Variants in INVS observed in about 807,000 individuals in gnomAD.
INVS encodes the protein inversin.
Under a neutral mutation model 108.8 loss-of-function variants are expected in INVS, and 86 were observed. That is an observed-to-expected ratio of 0.79 (90% CI 0.66 to 0.95). INVS has a LOEUF of 0.95. INVS is among the 40% of genes least tolerant of loss of function. The probability of loss-of-function intolerance (pLI) is 0.00; values close to 1 mark genes in which losing one functional copy is unlikely to be tolerated. For synonymous variants in INVS, 455 were observed against 473.5 expected (o/e 0.96, Z 0.51); for missense variants, 1,169 against 1,297.4 (o/e 0.90, Z 1.52).
chr9:100,297,271 AATTGT>A lies in INVS; in HGVS notation c.3016+129_3016+133del, dbSNP rs1360555666. ...AGATAAATTAGGTTGGTGCAAAATT[AATTGT>A]ATTATTAAAAATGGTCAAAACTGCA... On this transcript the variant is annotated intron_variant, in intron 15 of 16. Coordinates refer to ENST00000262457, the MANE Select transcript of INVS (RefSeq NM_014425.5). The A allele has an allele frequency of 1.1e-5, 9 of 804,856 alleles. No individual in the cohort carries two copies. The African/African-American group carries it at 1.2e-4, about 11-fold the overall frequency. The allele number at this position is 804,856 out of a possible 1,614,324, so 49.9% of individuals were successfully genotyped here.
At chr9:100,117,232 G>C in intron 2 of INVS, 2 of 877,824 alleles carry the variant, frequency 2.3e-6, no homozygotes, top group South Asian at 1.5e-5. Context: ...CGACGTGGCC[G>C]TTGTAGTCCC....
chr9:100,120,543 G>T, intron 2 of INVS: 1 of 158,522 alleles, frequency 6.3e-6, no homozygotes. Context: ...AACCCTCTTA[G>T]GCCCAATATT....
chr9:100,113,499 A>C (rs555640623), intron 2 of INVS, among the ~76,000 whole-genome samples: 2 of 152,352 alleles, frequency 1.3e-5, no homozygotes, highest in African/African-American at 4.8e-5. Context: ...AAGTATTGCA[A>C]ACTAAAACAG....
At chr9:100,148,771 G>A (rs1016346287) in intron 3 of INVS, among the ~76,000 whole-genome samples, 2 of 151,938 alleles carry the variant, frequency 1.3e-5, no homozygotes, top group Non-Finnish European at 2.9e-5. Context: ...ATATATTCTC[G>A]ACCTCTACTT....
chr9:100,116,896 C>T (rs1247740319), intron 2 of INVS: 3 of 1,278,850 alleles, frequency 2.3e-6, no homozygotes, highest in Admixed American at 1.8e-5. Context: ...AGCTGTAGGT[C>T]TTAGAGATGG....
intron 3 of INVS, among the ~76,000 whole-genome samples, chr9:100,184,592 T>C (rs927700362): frequency 3.3e-5 from 5 of 152,322 alleles, no homozygotes; most frequent in Middle Eastern, 3.4e-3. Context: ...ATAGTCTGTA[T>C]GTAATAAGTC....
rs764339027 is a variant in INVS, at chr9:100,104,641, TTA to T, written c.106+15_106+16del. ...GGCTCATCGTAGGTAAGCAGTCCCC[TTA>T]AGTACAGAAACTTTAAAAGCAACTG... On this transcript the variant is annotated intron_variant, in intron 2 of 16. Transcript: ENST00000262457. 6.4e-6 allele frequency: 10 copies of T among 1,567,692 alleles called. No individual in the cohort carries two copies. Among genetic ancestry groups the T allele is most frequent in the Middle Eastern group, 1.7e-4 (1 of 5,984 alleles).
intron 11 of INVS, among the ~76,000 whole-genome samples, chr9:100,265,223 G>A (rs1015124225): frequency 5.3e-5 from 8 of 152,196 alleles, no homozygotes; most frequent in Middle Eastern, 3.4e-3. Flanking sequence ...GATTATAGGC[G>A]TGAGCTACCA....
chr9:100,117,121 C>A (rs924727346), intron 2 of INVS: 26 of 1,229,668 alleles, frequency 2.1e-5, no homozygotes, highest in Non-Finnish European at 2.6e-5. Flanking sequence ...CGATCTTGTT[C>A]CCCCAGTAGC....
intron 3 of INVS, among the ~76,000 whole-genome samples, chr9:100,166,567 T>G (rs1285101244): frequency 6.6e-6 from 1 of 152,150 alleles, no homozygotes; most frequent in African/African-American, 2.4e-5. Flanking sequence ...GGCGTAGCAT[T>G]TTTAGCAGAA....
chr9:100,146,086 T>TCC (rs34075098), intron 3 of INVS, among the ~76,000 whole-genome samples: 11 of 151,546 alleles, frequency 7.3e-5, no homozygotes, highest in Admixed American at 2.0e-4. Flanking sequence ...CCAAGGGAGG[T>TCC]CCCCCCGATC....
At position 100,300,732 on chromosome 9, in the gene INVS, ATTTTCTGCTG is replaced by A; in HGVS notation, c.*59_*68del. ...CTGGCATAGCTAGTGCAGAGTTCAG[ATTTTCTGCTG>A]ATAATCTTTTACACCTTGGGAAAAC... On this transcript the variant is annotated 3_prime_UTR_variant, in exon 17 of 17. Transcript: ENST00000262457. The A allele has an allele frequency of 8.4e-7, 1 of 1,190,510 alleles. No individual in the cohort carries two copies. The highest frequency in any genetic ancestry group is 1.7e-5 in the Admixed American group (1 of 58,306). 73.7% of individuals were successfully genotyped at this position (1,190,510 alleles called of 1,614,324 possible).
intron 2 of INVS, among the ~76,000 whole-genome samples, chr9:100,109,095 A>C (rs1278864562): frequency 6.6e-6 from 1 of 152,256 alleles, no homozygotes; most frequent in Non-Finnish European, 1.5e-5. Context: ...AGAATTTAGT[A>C]GATTCATTTT....
At position 100,100,869 on chromosome 9, in the gene INVS, TATTA is replaced by T. The variant is rs1248764930; in HGVS notation, c.-25+1454_-25+1457del. Among the ~76,000 whole-genome samples the T allele has an allele frequency of 1.9e-3, 72 of 37,942 alleles. 9 individuals carry two copies. The highest frequency in any genetic ancestry group is 5.8e-3 in the African/African-American group (40 of 6,844). The allele number at this position is 37,942 out of a possible 152,430, so 24.9% of individuals were successfully genotyped here. A position where few individuals can be genotyped will look rare whatever the true frequency, so the allele number is the denominator to read the frequency against. ...ATAATATATGTATATATAATATATATATTATATATGTATATATAATATATATTAT... is the reference window on the plus strand; with the variant it reads ...ATAATATATGTATATATAATATATATTATATGTATATATAATATATATTAT... On this transcript the variant is annotated intron_variant, in intron 1 of 16. Coordinates refer to ENST00000262457, the MANE Select transcript of INVS (RefSeq NM_014425.5).
intron 3 of INVS, among the ~76,000 whole-genome samples, chr9:100,192,006 G>A (rs80138565): frequency 6.6e-6 from 1 of 152,240 alleles, no homozygotes; most frequent in East Asian, 1.9e-4. Flanking sequence ...GCTGTTTGTA[G>A]TAGCAAGGTG....
chr9:100,142,570 C>G (rs950755423), intron 3 of INVS, among the ~76,000 whole-genome samples: 4 of 151,940 alleles, frequency 2.6e-5, no homozygotes, highest in African/African-American at 9.7e-5. Context: ...TGTGGGAGGC[C>G]GGGTTGAAGT....
chr9:100,195,877 A>G (rs985153230), intron 3 of INVS, among the ~76,000 whole-genome samples: 3 of 152,234 alleles, frequency 2.0e-5, no homozygotes, highest in African/African-American at 4.8e-5. Flanking sequence ...ATTTGCTAAT[A>G]CATTAAGGAT....
intron 4 of INVS, among the ~76,000 whole-genome samples, chr9:100,229,046 A>C (rs565996035): frequency 4.6e-5 from 7 of 152,326 alleles, no homozygotes; most frequent in Non-Finnish European, 7.3e-5. Context: ...GCAACAGCAA[A>C]ACCAGCATGA....
At chr9:100,160,181 T>G (rs1311484006) in intron 3 of INVS, among the ~76,000 whole-genome samples, 1 of 152,236 alleles carries the variant, frequency 6.6e-6, no homozygotes, top group Non-Finnish European at 1.5e-5. Flanking sequence ...TGTTCCACTC[T>G]CTACGCATGG....
Sources: allele counts gnomAD v4.1 joint callset (sites outside exome capture counted in the v4.1 genomes callset), GRCh38; gene constraint gnomAD v4.1.1; transcripts MANE v1.5; gene names NCBI Gene and HGNC (gene_info 2026-07-23, HGNC 2026-07-21).